Variants in GRIA4 observed in about 807,000 individuals in gnomAD.
The protein encoded by GRIA4 is glutamate ionotropic receptor AMPA type subunit 4.
In GRIA4, 34 loss-of-function variants were observed where a neutral mutation model predicts 104.0. The observed-to-expected ratio is 0.33, with a 90% CI of 0.25 to 0.44. GRIA4 has a LOEUF of 0.44. GRIA4 is among the 20% of genes least tolerant of loss of function. The probability of loss-of-function intolerance (pLI) is 1.00; values close to 1 mark genes in which losing one functional copy is unlikely to be tolerated. For synonymous variants in GRIA4, 386 were observed against 381.9 expected (o/e 1.01, Z -0.13); for missense variants, 750 against 1,096.5 (o/e 0.68, Z 4.46).
At chr11:105,735,420 C>A (rs577533892) in intron 3 of GRIA4, among the ~76,000 whole-genome samples, 4 of 152,184 alleles carry the variant, frequency 2.6e-5, no homozygotes, top group South Asian at 2.1e-4. Context: ...TAGCAAATAT[C>A]CACAGAAGTG....
chr11:105,721,284 T>G (rs1282354690), intron 3 of GRIA4, among the ~76,000 whole-genome samples: 9 of 152,134 alleles, frequency 5.9e-5, no homozygotes, highest in Non-Finnish European at 1.0e-4. Context: ...GTTATTGGCT[T>G]AAGTTTATTT....
Position 105,980,552 on chromosome 11 carries a change from G to A in GRIA4, c.*813G>A, listed in dbSNP as rs1859216983. 1 of 152,524 alleles carries A rather than the reference G, an allele frequency of 6.6e-6. No individual in the cohort carries two copies. Among genetic ancestry groups the A allele is most frequent in the African/African-American group, 2.4e-5 (1 of 41,402 alleles). The allele number at this position is 152,524 out of a possible 1,614,324, so 9.4% of individuals were successfully genotyped here. On this transcript the variant is annotated 3_prime_UTR_variant, in exon 17 of 17. Coordinates refer to ENST00000282499, the MANE Select transcript of GRIA4 (RefSeq NM_000829.4). ...CTCACAACCAGGAAGAAAAGCAAAA[G>A]GAAGAAAACGTTTAGGTTCAATCAT...
At chr11:105,670,890 T>C (rs1032951709) in intron 3 of GRIA4, among the ~76,000 whole-genome samples, 1 of 152,148 alleles carries the variant, frequency 6.6e-6, no homozygotes, top group African/African-American at 2.4e-5. Context: ...AATAGATCAG[T>C]AAGGCTACAT....
chr11:105,978,368 C>A (rs1859098625), intron 16 of GRIA4, among the ~76,000 whole-genome samples: 1 of 151,884 alleles, frequency 6.6e-6, no homozygotes, highest in Non-Finnish European at 1.5e-5. Context: ...ATCCTGAGTT[C>A]TGATTATGAT....
intron 16 of GRIA4, 88 bp from the exon 17 acceptor site, chr11:105,979,487 T>A (rs1859164920): frequency 8.9e-7 from 1 of 1,128,282 alleles, no homozygotes; most frequent in Non-Finnish European, 1.3e-6. Flanking sequence ...TTATTTATAT[T>A]TCGGTGTTTG....
At chr11:105,834,028 A>G (rs1372800658) in intron 4 of GRIA4, among the ~76,000 whole-genome samples, 1 of 152,016 alleles carries the variant, frequency 6.6e-6, no homozygotes, top group Non-Finnish European at 1.5e-5. Flanking sequence ...AAGACAGTCA[A>G]TGAAAGGATA....
intron 4 of GRIA4, among the ~76,000 whole-genome samples, chr11:105,763,309 G>C (rs1041368479): frequency 1.3e-5 from 2 of 152,084 alleles, no homozygotes; most frequent in Non-Finnish European, 2.9e-5. Flanking sequence ...ACGTGGGATG[G>C]TATGGACGTG....
chr11:105,736,505 G>A (rs1938956589), intron 3 of GRIA4, among the ~76,000 whole-genome samples: 1 of 151,908 alleles, frequency 6.6e-6, no homozygotes, highest in Non-Finnish European at 1.5e-5. Flanking sequence ...AAATACTCAA[G>A]TTATTTAGAA....
At chr11:105,950,371 G>A (rs1299414289) in intron 14 of GRIA4, among the ~76,000 whole-genome samples, 1 of 152,174 alleles carries the variant, frequency 6.6e-6, no homozygotes, top group Non-Finnish European at 1.5e-5. Flanking sequence ...ATTCAAAGAT[G>A]AGACTGAGTT....
intron 6 of GRIA4, among the ~76,000 whole-genome samples, chr11:105,888,403 C>T (rs1225754633): frequency 2.0e-5 from 3 of 147,884 alleles, no homozygotes; most frequent in Non-Finnish European, 4.5e-5. Context: ...CCTGCCTCAG[C>T]CTCCCAAGTA....
At chr11:105,658,595 A>C (rs893125375) in intron 3 of GRIA4, among the ~76,000 whole-genome samples, 8 of 151,936 alleles carry the variant, frequency 5.3e-5, no homozygotes, top group African/African-American at 1.9e-4. Flanking sequence ...TACTCATAAA[A>C]TACTCATAAA....
At chr11:105,822,665 C>A (rs1181455616) in intron 4 of GRIA4, among the ~76,000 whole-genome samples, 1 of 151,976 alleles carries the variant, frequency 6.6e-6, no homozygotes, top group Non-Finnish European at 1.5e-5. Flanking sequence ...GTAATTAAAA[C>A]AAAGTATGGT....
intron 6 of GRIA4, among the ~76,000 whole-genome samples, chr11:105,896,255 G>A (rs1243683059): frequency 6.6e-6 from 1 of 151,918 alleles, no homozygotes; most frequent in Non-Finnish European, 1.5e-5. Flanking sequence ...CATGTCCTTT[G>A]CTCTTTTTTA....
At chr11:105,774,152 A>C (rs931342022) in intron 4 of GRIA4, among the ~76,000 whole-genome samples, 2 of 151,442 alleles carry the variant, frequency 1.3e-5, no homozygotes, top group Non-Finnish European at 2.9e-5. Context: ...AATATATGCT[A>C]ATAGCAAAAA....
chr11:105,775,693 T>C (rs1370501726), intron 4 of GRIA4, among the ~76,000 whole-genome samples: 1 of 151,942 alleles, frequency 6.6e-6, no homozygotes, highest in East Asian at 1.9e-4. Context: ...ATAAAACATA[T>C]GAACAGTCAA....
chr11:105,919,275 C>T (rs564938150), intron 11 of GRIA4, among the ~76,000 whole-genome samples: 1 of 152,122 alleles, frequency 6.6e-6, no homozygotes, highest in East Asian at 1.9e-4. Context: ...ACTGTAGGAA[C>T]AGGTTTCCTT....
At chr11:105,925,238 T>C (rs758826235) in intron 12 of GRIA4, among the ~76,000 whole-genome samples, 3 of 152,136 alleles carry the variant, frequency 2.0e-5, no homozygotes, top group African/African-American at 4.8e-5. Flanking sequence ...AGATAGTAGG[T>C]ACCAGATATA....
chr11:105,728,410 C>T (rs1938361375), intron 3 of GRIA4, among the ~76,000 whole-genome samples: 1 of 152,128 alleles, frequency 6.6e-6, no homozygotes, highest in Non-Finnish European at 1.5e-5. Flanking sequence ...TAGTGGGAGA[C>T]TTTAACACCC....
chr11:105,829,092 T>TACACACACACACACACACAC (rs1367770399), intron 4 of GRIA4, among the ~76,000 whole-genome samples: 1 of 58,162 alleles, frequency 1.7e-5, no homozygotes, highest in East Asian at 5.3e-4. Flanking sequence ...TCCAGTGATG[T>TACACACACACACACACACAC]ATACACACAC....
Sources: gnomAD v4.1 joint callset for allele counts (sites outside exome capture counted in the v4.1 genomes callset) on GRCh38, gnomAD v4.1.1 for gene constraint, MANE v1.5 for transcripts, NCBI Gene and HGNC (gene_info 2026-07-23, HGNC 2026-07-21) for gene names.